Variants in PRKG2 observed in about 807,000 individuals in gnomAD.
The protein encoded by PRKG2 is protein kinase cGMP-dependent 2.
Under a neutral mutation model 97.2 loss-of-function variants are expected in PRKG2, and 33 were observed. The ratio of observed to expected loss-of-function variants is 0.34; its 90% CI spans 0.26 to 0.45. PRKG2 has a LOEUF of 0.45. Among genes scored for constraint, PRKG2 ranks in the 20% least tolerant of loss-of-function variants. The pLI is 1.00. For synonymous variants in PRKG2, 330 were observed against 321.8 expected (o/e 1.03, Z -0.27); for missense variants, 638 against 900.0 (o/e 0.71, Z 3.73).
chr4:81,134,835 C>T (rs1225246223), intron 14 of PRKG2, among the ~76,000 whole-genome samples: 1 of 151,864 alleles, frequency 6.6e-6, no homozygotes, highest in Non-Finnish European at 1.5e-5. Context: ...TAGCCACTCC[C>T]TATGTATAGC....
upstream of PRKG2, among the ~76,000 whole-genome samples, chr4:81,217,734 T>C (rs1167204881): frequency 1.3e-5 from 2 of 152,140 alleles, no homozygotes; most frequent in Non-Finnish European, 2.9e-5. Context: ...GAAAAAAATA[T>C]GGGGTTATAA....
intron 6 of PRKG2, among the ~76,000 whole-genome samples, chr4:81,156,946 T>G (rs1480198978): frequency 6.6e-6 from 1 of 151,628 alleles, no homozygotes; most frequent in African/African-American, 2.4e-5. Context: ...AGAGGGAAAT[T>G]TATAGCACTA....
intron 4 of PRKG2, among the ~76,000 whole-genome samples, chr4:81,170,047 C>A (rs1750325613): frequency 6.6e-6 from 1 of 151,862 alleles, no homozygotes; most frequent in African/African-American, 2.4e-5. Context: ...TTTGCAATTC[C>A]CAATTATGCA....
chr4:81,123,474 G>A (rs920010762), intron 14 of PRKG2, among the ~76,000 whole-genome samples: 1 of 152,102 alleles, frequency 6.6e-6, no homozygotes, highest in Admixed American at 6.5e-5. Flanking sequence ...GCACGATCTC[G>A]GCTCACTGTA....
intron 6 of PRKG2, among the ~76,000 whole-genome samples, chr4:81,162,384 G>A (rs1252480615): frequency 6.6e-6 from 1 of 152,090 alleles, no homozygotes; most frequent in Non-Finnish European, 1.5e-5. Context: ...GAAGTGATCT[G>A]TGACAATTCC....
intron 6 of PRKG2, among the ~76,000 whole-genome samples, chr4:81,154,913 G>A (rs56169111): frequency 0.062 from 9,366 of 152,114 alleles, 599 homozygotes; most frequent in African/African-American, 0.16. Context: ...GGTGGCTCAC[G>A]CCTGTAATCC....
At chr4:81,181,955 TAAAG>T (rs1447207753) in intron 2 of PRKG2, among the ~76,000 whole-genome samples, 2 of 151,660 alleles carry the variant, frequency 1.3e-5, no homozygotes, top group Non-Finnish European at 2.9e-5. Context: ...TGATTAGCAA[TAAAG>T]AAACTAAATC....
At chr4:81,124,673 G>A (rs889071150) in intron 14 of PRKG2, among the ~76,000 whole-genome samples, 1 of 152,206 alleles carries the variant, frequency 6.6e-6, no homozygotes, top group East Asian at 1.9e-4. Context: ...CCTTGGATTC[G>A]GTTCCTCTAG....
At chr4:81,153,517 T>A in intron 7 of PRKG2, 127 bp downstream of exon 7, 1 of 677,790 alleles carries the variant, frequency 1.5e-6, no homozygotes, top group Non-Finnish European at 2.4e-6. Flanking sequence ...CATGGGACTC[T>A]ACTGGTAGAA....
At chr4:81,116,399 T>C (rs921641683) in intron 14 of PRKG2, among the ~76,000 whole-genome samples, 1 of 152,204 alleles carries the variant, frequency 6.6e-6, no homozygotes, top group Non-Finnish European at 1.5e-5. Flanking sequence ...TATTCCATGT[T>C]ATATATGTAC....
At chr4:81,144,541 GC>G (rs1191443184) in intron 9 of PRKG2, among the ~76,000 whole-genome samples, 1 of 151,138 alleles carries the variant, frequency 6.6e-6, no homozygotes. Flanking sequence ...AAGCAAAGGG[GC>G]TATTAATGAG....
At chr4:81,196,078 G>C (rs1038273115) in intron 2 of PRKG2, among the ~76,000 whole-genome samples, 1 of 152,182 alleles carries the variant, frequency 6.6e-6, no homozygotes, top group Non-Finnish European at 1.5e-5. Context: ...GCCATGCTAT[G>C]AGAGGGCCTG....
At chr4:81,096,948 T>C (rs1341119270) in intron 17 of PRKG2, among the ~76,000 whole-genome samples, 2 of 152,224 alleles carry the variant, frequency 1.3e-5, no homozygotes, top group African/African-American at 2.4e-5. Flanking sequence ...ATGTTTATAA[T>C]GGCATTTAGA....
chr4:81,153,132 T>C (rs531586036), intron 7 of PRKG2, among the ~76,000 whole-genome samples: 9 of 152,240 alleles, frequency 5.9e-5, no homozygotes, highest in Non-Finnish European at 8.8e-5. Flanking sequence ...ATTGTACATG[T>C]TAGTATAAAT....
chr4:81,205,438 G>A (rs1191221987), intron 1 of PRKG2, among the ~76,000 whole-genome samples: 5 of 152,180 alleles, frequency 3.3e-5, no homozygotes, highest in South Asian at 2.1e-4. Flanking sequence ...AAATGCAAAT[G>A]AGCAGCTACA....
intron 10 of PRKG2, among the ~76,000 whole-genome samples, 155 bp downstream of exon 10, chr4:81,144,077 G>A (rs945243132): frequency 2.0e-5 from 3 of 152,138 alleles, no homozygotes; most frequent in African/African-American, 7.2e-5. Context: ...AAGTGGTGTT[G>A]TCTTTGTGGA....
intron 7 of PRKG2, among the ~76,000 whole-genome samples, chr4:81,152,672 C>T (rs980384088): frequency 5.9e-5 from 9 of 152,148 alleles, no homozygotes; most frequent in African/African-American, 2.2e-4. Flanking sequence ...GTAACAAGTG[C>T]TGATTCAGGC....
At chr4:81,174,216 G>C (rs915860388) in intron 3 of PRKG2, among the ~76,000 whole-genome samples, 2 of 152,020 alleles carry the variant, frequency 1.3e-5, no homozygotes, top group African/African-American at 4.8e-5. Flanking sequence ...TATGTCATTT[G>C]ATTTGTGTGT....
In PRKG2 at chr4:81,110,314, G is replaced by A. The variant is rs1026569836; in HGVS notation, c.1940+134C>T. 7 of 909,048 alleles carry A rather than the reference G, an allele frequency of 7.7e-6. No individual in the cohort carries two copies. In the African/African-American group the frequency reaches 1.0e-4, roughly 13 times the overall value. The allele number at this position is 909,048 out of a possible 1,614,324, so 56.3% of individuals were successfully genotyped here. A position where few individuals can be genotyped will look rare whatever the true frequency, so the allele number is the denominator to read the frequency against. On this transcript the variant is annotated intron_variant, in intron 15 of 18. Coordinates refer to ENST00000264399, the MANE Select transcript of PRKG2 (RefSeq NM_006259.3). ...TTCACTGTATGTGAAACAATGTCAT[G>A]AGAAAAAGGTATCATACTTAATCGA...
Sources: gnomAD v4.1 joint callset for allele counts (sites outside exome capture counted in the v4.1 genomes callset) on GRCh38, gnomAD v4.1.1 for gene constraint, MANE v1.5 for transcripts, NCBI Gene and HGNC (gene_info 2026-07-23, HGNC 2026-07-21) for gene names.